THRB: variants seen among roughly 807,000 people sequenced by gnomAD.
THRB encodes the protein nuclear receptor subfamily 1 group A member 2.
THRB carries 12 observed loss-of-function variants against 47.8 expected under a neutral mutation model. That is an observed-to-expected ratio of 0.25 (90% CI 0.16 to 0.41). The LOEUF is 0.41. Ranked by LOEUF, THRB falls within the 10% of genes least tolerant of loss-of-function variation. The pLI is 1.00. For missense variants in THRB, 348 were observed against 589.2 expected, an observed-to-expected ratio of 0.59 and a Z score of 4.24; for synonymous variants, 218 against 212.2, an observed-to-expected ratio of 1.03 and a Z score of -0.24.
In THRB at chr3:24,126,279, G is replaced by T. The variant is rs967449777; in HGVS notation, c.1144+1220C>A. On this transcript the variant is annotated intron_variant, in intron 10 of 10. Coordinates refer to ENST00000646209, the MANE Select transcript of THRB (RefSeq NM_001354712.2). ...GGGGTGGTGGCGTGTGCTTGGAGAG[G>T]CTGAGGCAGGAGAATCTCCTAAGCC... 2.6e-5 allele frequency among the ~76,000 whole-genome samples: 4 copies of T among 151,940 alleles called. No individual in the cohort carries two copies. The East Asian group carries it at 5.8e-4, about 22-fold the overall frequency.
intron 2 of THRB, among the ~76,000 whole-genome samples, chr3:24,303,893 C>T (rs875546): frequency 2.6e-5 from 4 of 152,218 alleles, no homozygotes; most frequent in East Asian, 1.9e-4. Context: ...ACAAATATTT[C>T]GATAGATTTC....
rs2056530002 is a variant in THRB at position 24,297,290 on chromosome 3, T to C, written c.-107A>G. The stretch of plus-strand genomic sequence containing the variant: ...AGGCTTTCAGTCTTCAAGACGTTTG[T>C]TTTTCTGCATTTCCTCTTCCTACAG... On this transcript the variant is annotated 5_prime_UTR_variant, in exon 3 of 11. Transcript: ENST00000646209. The C allele has an allele frequency of 1.3e-5, 2 of 152,252 alleles. No homozygotes were observed. The highest frequency in any genetic ancestry group is 2.9e-5 in the Non-Finnish European group (2 of 68,036). The allele number at this position is 152,252 out of a possible 1,614,324, so 9.4% of individuals were successfully genotyped here. A position where few individuals can be genotyped will look rare whatever the true frequency, so the allele number is the denominator to read the frequency against.
At chr3:24,226,897 A>G (rs2047707914) in intron 4 of THRB, among the ~76,000 whole-genome samples, 1 of 152,222 alleles carries the variant, frequency 6.6e-6, no homozygotes, top group African/African-American at 2.4e-5. Context: ...TATGACAGAC[A>G]CTGTATGGGC....
At chr3:24,220,802 G>A (rs73037697) in intron 4 of THRB, among the ~76,000 whole-genome samples, 11,986 of 142,736 alleles carry the variant, frequency 0.084, 948 homozygotes, top group African/African-American at 0.21. Context: ...TTAAACAAAA[G>A]AAAAAAAAAA....
intron 3 of THRB, among the ~76,000 whole-genome samples, chr3:24,249,414 C>G (rs1319144320): frequency 6.6e-6 from 1 of 152,048 alleles, no homozygotes; most frequent in South Asian, 2.1e-4. Context: ...TTAAACCAAC[C>G]CTTGTTCTCT....
At chr3:24,210,897 G>C (rs2045952826) in intron 4 of THRB, among the ~76,000 whole-genome samples, 1 of 152,088 alleles carries the variant, frequency 6.6e-6, no homozygotes, top group Non-Finnish European at 1.5e-5. Flanking sequence ...TTTGTTTTTG[G>C]AAGATATAAA....
chr3:24,199,293 T>C (rs959385512), intron 4 of THRB, among the ~76,000 whole-genome samples: 1 of 152,228 alleles, frequency 6.6e-6, no homozygotes, highest in African/African-American at 2.4e-5. Context: ...AATATCTTCT[T>C]TTAGGCAAAG....
At chr3:24,203,209 C>A (rs1228435122) in intron 4 of THRB, among the ~76,000 whole-genome samples, 2 of 152,076 alleles carry the variant, frequency 1.3e-5, no homozygotes, top group Non-Finnish European at 2.9e-5. Context: ...GCTCAGGAGT[C>A]CAAAACCAAC....
At chr3:24,363,657 C>T (rs913736493) in intron 1 of THRB, among the ~76,000 whole-genome samples, 1 of 152,104 alleles carries the variant, frequency 6.6e-6, no homozygotes, top group Non-Finnish European at 1.5e-5. Context: ...AAGCAGGAAA[C>T]ATCTTTTGGC....
At chr3:24,193,744 G>A (rs373980144) in intron 4 of THRB, among the ~76,000 whole-genome samples, 47 of 152,142 alleles carry the variant, frequency 3.1e-4, no homozygotes, top group East Asian at 1.2e-3. Flanking sequence ...TGGGTCTACC[G>A]TTTGATCCAC....
intron 2 of THRB, among the ~76,000 whole-genome samples, chr3:24,336,296 G>A (rs553801481): frequency 3.3e-4 from 50 of 152,294 alleles, no homozygotes; most frequent in South Asian, 6.2e-4. Flanking sequence ...CAACCCAGGC[G>A]CCTCGACAAT....
At chr3:24,368,748 T>C (rs1270053599) in intron 1 of THRB, among the ~76,000 whole-genome samples, 1 of 152,196 alleles carries the variant, frequency 6.6e-6, no homozygotes, top group East Asian at 1.9e-4. Context: ...CCAGAAAGAA[T>C]AGGAAATTTA....
chr3:24,135,847 A>ATATATATATATATATATATATATAAATT (rs371175625), intron 8 of THRB, among the ~76,000 whole-genome samples: 8 of 130,972 alleles, frequency 6.1e-5, no homozygotes, highest in African/African-American at 1.9e-4. Flanking sequence ...ATATATATAT[A>ATATATATATATATATATATATATAAATT]ATACATAAAT....
intron 3 of THRB, among the ~76,000 whole-genome samples, chr3:24,276,430 G>A (rs1225199080): frequency 1.3e-5 from 2 of 152,108 alleles, no homozygotes; most frequent in Non-Finnish European, 2.9e-5. Flanking sequence ...AAATTCCAGG[G>A]TTCAAACCCA....
At chr3:24,426,078 T>G (rs1414486026) in intron 1 of THRB, among the ~76,000 whole-genome samples, 1 of 151,938 alleles carries the variant, frequency 6.6e-6, no homozygotes, top group African/African-American at 2.4e-5. Context: ...TTGTAAGGAT[T>G]AAATAAGTAA....
intron 10 of THRB, among the ~76,000 whole-genome samples, chr3:24,125,000 G>T (rs913213313): frequency 1.3e-5 from 2 of 152,182 alleles, no homozygotes; most frequent in African/African-American, 4.8e-5. Flanking sequence ...GAGAGAACTG[G>T]GAAGAATCAT....
intron 3 of THRB, among the ~76,000 whole-genome samples, chr3:24,237,653 A>G (rs1053851411): frequency 2.0e-5 from 3 of 152,150 alleles, no homozygotes; most frequent in African/African-American, 7.2e-5. Flanking sequence ...AGGAGTAACC[A>G]TTCCTAAAAT....
intron 4 of THRB, among the ~76,000 whole-genome samples, chr3:24,228,718 A>G (rs1022136945): frequency 1.3e-5 from 2 of 152,082 alleles, no homozygotes; most frequent in Non-Finnish European, 2.9e-5. Flanking sequence ...AAAAATGAAT[A>G]GTCATTTCCT....
intron 1 of THRB, among the ~76,000 whole-genome samples, chr3:24,381,295 C>A (rs1456684602): frequency 2.0e-5 from 3 of 152,086 alleles, no homozygotes; most frequent in African/African-American, 7.2e-5. Context: ...CAAAGACCAA[C>A]ACTAACTTCT....
Sources: gnomAD v4.1 joint callset for allele counts (sites outside exome capture counted in the v4.1 genomes callset) on GRCh38, gnomAD v4.1.1 for gene constraint, MANE v1.5 for transcripts, NCBI Gene and HGNC (gene_info 2026-07-23, HGNC 2026-07-21) for gene names.